Variants in B4GALNT1 observed in about 807,000 individuals in gnomAD.
B4GALNT1 encodes the protein beta-1,4-N-acetyl-galactosaminyltransferase 1.
B4GALNT1 carries 43 observed loss-of-function variants against 55.2 expected under a neutral mutation model. The ratio of observed to expected loss-of-function variants is 0.78; its 90% CI spans 0.61 to 1.00. The LOEUF (loss-of-function observed/expected upper bound fraction) is 1.00, where lower values mean the gene tolerates loss of function less well. Ranked by LOEUF, B4GALNT1 falls within the 50% of genes least tolerant of loss-of-function variation. The pLI is 0.00. For missense variants in B4GALNT1, 664 were observed against 729.7 expected, an observed-to-expected ratio of 0.91 and a Z score of 1.04; for synonymous variants, 305 against 311.6, an observed-to-expected ratio of 0.98 and a Z score of 0.22.
At position 57,624,493 on chromosome 12, in the gene B4GALNT1, C is replaced by A. The variant is rs923467663; in HGVS notation, c.*2251G>T. On this transcript the variant is annotated 3_prime_UTR_variant, in exon 11 of 11. Coordinates refer to ENST00000341156, the MANE Select transcript of B4GALNT1 (RefSeq NM_001478.5). The stretch of plus-strand genomic sequence containing the variant: ...TTGGGCAATCCACCCCTATCCCTAT[C>A]CTGCAGGCTGTGTGGATGGTCACCT... 3.2e-6 allele frequency: 2 copies of A among 621,090 alleles called. No individual in the cohort carries two copies. Among genetic ancestry groups the A allele is most frequent in the Non-Finnish European group, 6.3e-6 (2 of 318,092 alleles). The allele number at this position is 621,090 out of a possible 1,614,324, so 38.5% of individuals were successfully genotyped here.
In B4GALNT1 at chr12:57,623,839, G is replaced by T. The variant is rs1412667699; in HGVS notation, c.*2905C>A. ...TCCTGTTCCTCCTTTTCTCTAGCTG[G>T]CAGGCCTCTTCTCCTGCACAGTGGT... On this transcript the variant is annotated 3_prime_UTR_variant, in exon 11 of 11. Transcript: ENST00000341156. The T allele has an allele frequency of 1.4e-5, 23 of 1,613,294 alleles. No homozygotes were observed. Among genetic ancestry groups the T allele is most frequent in the Non-Finnish European group, 1.9e-5 (23 of 1,179,842 alleles).
At chr12:57,631,524 C>T (rs954997254) in intron 2 of B4GALNT1, among the ~76,000 whole-genome samples, 160 bp from the exon 3 acceptor site, 10 of 152,120 alleles carry the variant, frequency 6.6e-5, no homozygotes, top group Non-Finnish European at 1.2e-4. Context: ...GGGAGGGGGA[C>T]CAAGGATCGG....
rs890071843 is a variant in B4GALNT1 at position 57,623,491 on chromosome 12, C to G, written c.*3253G>C. On this transcript the variant is annotated 3_prime_UTR_variant, in exon 11 of 11. Transcript: ENST00000341156. ...GAATATCACATATCAAAGTCTCCCC[C>G]TAATATTTTTGGTTTCCCTTACTTT... is the stretch of plus-strand genomic sequence containing the variant. 5.5e-5 allele frequency: 24 copies of G among 434,652 alleles called. No homozygotes were observed. Among genetic ancestry groups the G allele is most frequent in the Non-Finnish European group, 9.0e-5 (22 of 245,486 alleles). 26.9% of individuals were successfully genotyped at this position (434,652 alleles called of 1,614,324 possible). A position where few individuals can be genotyped will look rare whatever the true frequency, so the allele number is the denominator to read the frequency against.
intron 1 of B4GALNT1, chr12:57,632,518 C>T (rs547227823): frequency 6.6e-5 from 22 of 332,212 alleles, no homozygotes; most frequent in Non-Finnish European, 9.8e-5. Context: ...GGCGCGCCCC[C>T]GACTCCTCAG....
In B4GALNT1 at chr12:57,626,763, T is replaced by C; in HGVS notation, c.1583A>G (p.Gln528Arg). The C allele has an allele frequency of 1.2e-6, 2 of 1,614,204 alleles. No homozygotes were observed. Among genetic ancestry groups the C allele is most frequent in the Non-Finnish European group, 1.7e-6 (2 of 1,180,026 alleles). Residue 528 changes from glutamine to arginine, a missense_variant, in exon 11 of 11, where the codon CAG becomes CGG. By Grantham distance (43) the Gln-to-Arg change is conservative. Transcript: ENST00000341156. ...HRLLFFKHRL[Q>R]CMTSQ is the part of the protein sequence containing the mutation. The stretch of plus-strand genomic sequence containing the variant: ...GGGCCATCACTGGGAGGTCATGCAC[T>C]GCAGCCGGTGTTTGAAGAAGAGCAG...
Position 57,629,147 on chromosome 12 carries a change from C to T in B4GALNT1, c.713-1G>A. The T allele has an allele frequency of 1.9e-6, 3 of 1,581,780 alleles. No individual in the cohort carries two copies. The highest frequency in any genetic ancestry group is 2.3e-5 in the South Asian group (2 of 87,408). On this transcript the variant is annotated splice_acceptor_variant, in intron 6 of 10. Coordinates refer to ENST00000341156, the MANE Select transcript of B4GALNT1 (RefSeq NM_001478.5). LOFTEE classifies it high-confidence loss of function. ...TCATGTCCCTCGGTGGAGAACCGGA[C>T]TGGGAAGAAAGGACATGGCATTTGA...
chr12:57,627,901 G>T, intron 9 of B4GALNT1, 43 bp from the exon 10 acceptor site: 1 of 1,520,188 alleles, frequency 6.6e-7, no homozygotes, highest in Non-Finnish European at 8.8e-7. Context: ...CCTGGGATAG[G>T]GGACCCGAAG....
chr12:57,628,586 A>G (rs1433802593), intron 8 of B4GALNT1, 127 bp downstream of exon 8: 8 of 1,186,566 alleles, frequency 6.7e-6, no homozygotes, highest in Non-Finnish European at 8.3e-6. Context: ...AGGAATCCTC[A>G]TGCTTAACAG....
chr12:57,623,948 G>A lies in B4GALNT1; in HGVS notation c.*2796C>T, dbSNP rs1400898779. 1 of 1,613,318 alleles carries A rather than the reference G, an allele frequency of 6.2e-7. No individual in the cohort carries two copies. Among genetic ancestry groups the A allele is most frequent in the East Asian group, 2.2e-5 (1 of 44,892 alleles). On this transcript the variant is annotated 3_prime_UTR_variant, in exon 11 of 11. Transcript: ENST00000341156. ...AGAGGAGGCATGAGCATGGCTGGGA[G>A]GGGTAGCTGTATTCCAGGACATCGA...
Position 57,626,428 on chromosome 12 carries a change from C to G in B4GALNT1, c.*316G>C. On this transcript the variant is annotated 3_prime_UTR_variant, in exon 11 of 11. Coordinates refer to ENST00000341156, the MANE Select transcript of B4GALNT1 (RefSeq NM_001478.5). ...GAGGACAGTGTTTCCACCTTAGGTT[C>G]TTAGAGTCCCTCTGGGCTCTTTGGC... 1 of 406,478 alleles carries G rather than the reference C, an allele frequency of 2.5e-6. No homozygotes were observed. The highest frequency in any genetic ancestry group is 4.6e-6 in the Non-Finnish European group (1 of 218,374). 25.2% of individuals were successfully genotyped at this position (406,478 alleles called of 1,614,324 possible). A position where few individuals can be genotyped will look rare whatever the true frequency, so the allele number is the denominator to read the frequency against.
chr12:57,630,899 T>C (rs1021860126), intron 4 of B4GALNT1, 81 bp downstream of exon 4: 2 of 1,331,342 alleles, frequency 1.5e-6, no homozygotes, highest in African/African-American at 2.9e-5. Flanking sequence ...ATTCCAATCA[T>C]CTCCCATTCT....
chr12:57,626,791 G>T lies in B4GALNT1; in HGVS notation c.1555C>A (p.Arg519=), dbSNP rs755171392. The change falls in exon 11 of 11, where the codon CGG becomes AGG. Residue 519 remains arginine, a synonymous_variant. Coordinates refer to ENST00000341156, the MANE Select transcript of B4GALNT1 (RefSeq NM_001478.5). ...AGCCGGTGTTTGAAGAAGAGCAGCC[G>T]GTGTTTGGCCATCTGGCTCTCGTCC... ...SLDESQMAKH[R]LLFFKHRLQC... The T allele has an allele frequency of 6.2e-7, 1 of 1,614,216 alleles. No individual in the cohort carries two copies. Among genetic ancestry groups the T allele is most frequent in the Admixed American group, 1.7e-5 (1 of 60,026 alleles).
At position 57,631,323 on chromosome 12, in the gene B4GALNT1, C is replaced by G. The variant is rs1426969942; in HGVS notation, c.260G>C (p.Gly87Ala). 1 of 1,614,112 alleles carries G rather than the reference C, an allele frequency of 6.2e-7. No individual in the cohort carries two copies. Among genetic ancestry groups the G allele is most frequent in the East Asian group, 2.2e-5 (1 of 44,878 alleles). ...TTTCTGGAAGGGGAGGGGGAGGCCC[C>G]CCCCACTGGACTCACAACTGCAGTT... ...WNNCSCESSG[G>A]GLPLPFQKQV... The change falls in exon 3 of 11, where the codon GGG (glycine) becomes GCG (alanine). Residue 87 changes from glycine to alanine, a missense_variant. Physicochemically the swap from Gly to Ala is moderately conservative, Grantham distance 60. Coordinates refer to ENST00000341156, the MANE Select transcript of B4GALNT1 (RefSeq NM_001478.5).
At chr12:57,628,283 G>A in intron 8 of B4GALNT1, 21 bp from the exon 9 acceptor site, 1 of 1,613,594 alleles carries the variant, frequency 6.2e-7, no homozygotes, top group Non-Finnish European at 8.5e-7. Flanking sequence ...GGTGTGTGTG[G>A]TTGGGGAGGC....
intron 2 of B4GALNT1, 50 bp downstream of exon 2, chr12:57,631,865 C>T: frequency 1.5e-6 from 2 of 1,356,478 alleles, no homozygotes; most frequent in Middle Eastern, 2.7e-4. Flanking sequence ...CAAAAGCCCC[C>T]AGACCACCCC....
At chr12:57,630,863 C>G (rs1349104570) in intron 4 of B4GALNT1, 117 bp downstream of exon 4, 5 of 1,017,526 alleles carry the variant, frequency 4.9e-6, no homozygotes, top group Non-Finnish European at 7.4e-6. Context: ...CTTAAGTCCC[C>G]CATTCATCAG....
At position 57,625,703 on chromosome 12, in the gene B4GALNT1, C is replaced by A; in HGVS notation, c.*1041G>T. ...TGGGGAGCCTGTTAAGGGGCAGTAG[C>A]ACCAGGAGCGGGAGCCAGGAGGCAC... On this transcript the variant is annotated 3_prime_UTR_variant, in exon 11 of 11. Coordinates refer to ENST00000341156, the MANE Select transcript of B4GALNT1 (RefSeq NM_001478.5). The A allele has an allele frequency of 6.5e-7, 1 of 1,547,812 alleles. No individual in the cohort carries two copies.
chr12:57,625,785 G>A lies in B4GALNT1; in HGVS notation c.*959C>T. Reference sequence around the variant, plus strand: ...GCTGGAGACCCAGGGAGAGGGGTTTGGGAAAGGGTCTGAGGAAGATCAAGA... The same window carrying A: ...GCTGGAGACCCAGGGAGAGGGGTTTAGGAAAGGGTCTGAGGAAGATCAAGA... On this transcript the variant is annotated 3_prime_UTR_variant, in exon 11 of 11. Transcript: ENST00000341156. The A allele has an allele frequency of 6.6e-7, 1 of 1,507,250 alleles. No individual in the cohort carries two copies. The highest frequency in any genetic ancestry group is 2.3e-5 in the East Asian group (1 of 43,846). The allele number at this position is 1,507,250 out of a possible 1,614,324, so 93.4% of individuals were successfully genotyped here.
Position 57,624,614 on chromosome 12 carries a change from T to G in B4GALNT1, c.*2130A>C. 2 of 699,122 alleles carry G rather than the reference T, an allele frequency of 2.9e-6. No homozygotes were observed. Among genetic ancestry groups the G allele is most frequent in the Non-Finnish European group, 5.4e-6 (2 of 367,526 alleles). 43.3% of individuals were successfully genotyped at this position (699,122 alleles called of 1,614,324 possible). On this transcript the variant is annotated 3_prime_UTR_variant, in exon 11 of 11. Coordinates refer to ENST00000341156, the MANE Select transcript of B4GALNT1 (RefSeq NM_001478.5). ...GGTCTGCCGCACCCGGAGGTGGGCA[T>G]AGAGATGAGTGGAGTTGAGGTCGGG...
Sources: allele counts gnomAD v4.1 joint callset (sites outside exome capture counted in the v4.1 genomes callset), GRCh38; gene constraint gnomAD v4.1.1; transcripts MANE v1.5; gene names NCBI Gene and HGNC (gene_info 2026-07-23, HGNC 2026-07-21).